Variants in GIGYF2 observed in about 807,000 individuals in gnomAD.
The protein encoded by GIGYF2 is GRB10-interacting GYF protein 2.
In GIGYF2, 25 loss-of-function variants were observed where a neutral mutation model predicts 208.1. The observed-to-expected ratio is 0.12, with a 90% CI of 0.09 to 0.17. The LOEUF (loss-of-function observed/expected upper bound fraction) is 0.17. Among genes scored for constraint, GIGYF2 ranks in the 10% least tolerant of loss-of-function variants. GIGYF2 has a pLI of 1.00. For missense variants in GIGYF2, 1,302 were observed against 1,579.4 expected, an observed-to-expected ratio of 0.82 and a Z score of 2.98; for synonymous variants, 534 against 543.8, an observed-to-expected ratio of 0.98 and a Z score of 0.25.
chr2:232,855,466 A>G (rs893329948), intron 28 of GIGYF2, among the ~76,000 whole-genome samples: 1 of 152,150 alleles, frequency 6.6e-6, no homozygotes, highest in African/African-American at 2.4e-5. Flanking sequence ...TGGTTAATCA[A>G]ACATTGCTAA....
intron 14 of GIGYF2, among the ~76,000 whole-genome samples, chr2:232,804,778 C>T (rs1278845746): frequency 1.3e-5 from 2 of 152,348 alleles, no homozygotes; most frequent in South Asian, 2.1e-4. Context: ...GAGGCGTGAA[C>T]TGCTGTGCTC....
intron 28 of GIGYF2, among the ~76,000 whole-genome samples, chr2:232,852,991 G>A (rs1690418463): frequency 6.6e-6 from 1 of 152,186 alleles, no homozygotes; most frequent in Non-Finnish European, 1.5e-5. Context: ...ATACCTTGAA[G>A]GGGAAGAAAA....
intron 14 of GIGYF2, among the ~76,000 whole-genome samples, chr2:232,797,221 A>G (rs1700249591): frequency 6.6e-6 from 1 of 152,186 alleles, no homozygotes; most frequent in East Asian, 1.9e-4. Flanking sequence ...ACAGAATGCT[A>G]TCTATAAAGG....
Position 232,756,197 on chromosome 2 carries a change from C to CTTTTTTT in GIGYF2, c.268-12_268-6dup, listed in dbSNP as rs759525243. The CTTTTTTT allele has an allele frequency of 3.1e-4, 219 of 710,480 alleles. 1 individual carries two copies. The highest frequency in any genetic ancestry group is 1.7e-3 in the Middle Eastern group (4 of 2,420). The allele number at this position is 710,480 out of a possible 1,614,324, so 44.0% of individuals were successfully genotyped here. On this transcript the variant is annotated intron_variant, in intron 5 of 28. Coordinates refer to ENST00000373563, the MANE Select transcript of GIGYF2 (RefSeq NM_001103146.3). ...TTTTCTTTCTTTTTTTCCTTTTTCT[C>CTTTTTTT]TTTTTTTTTTTTTTTTTTTTGGCAG...
rs1205773129 is a variant in GIGYF2 at position 232,812,498 on chromosome 2, A to G, written c.2107+7A>G. The G allele has an allele frequency of 9.2e-7, 1 of 1,092,780 alleles. No individual in the cohort carries two copies. The highest frequency in any genetic ancestry group is 1.4e-6 in the Non-Finnish European group (1 of 704,876). 67.7% of individuals were successfully genotyped at this position (1,092,780 alleles called of 1,614,324 possible). The stretch of plus-strand genomic sequence containing the variant: ...ACAGCTTCACAGCCTACAGGTAAAA[A>G]CTTAGATTAACCTTTAGTACCACTC... On this transcript the variant is annotated splice_region_variant and intron_variant, in intron 18 of 28. Transcript: ENST00000373563.
At chr2:232,759,944 C>G (rs1698683365) in intron 6 of GIGYF2, among the ~76,000 whole-genome samples, 1 of 151,924 alleles carries the variant, frequency 6.6e-6, no homozygotes, top group South Asian at 2.1e-4. Flanking sequence ...GTAAACTGTA[C>G]CTTTGGTTAC....
At chr2:232,836,276 A>G (rs182273005) in intron 22 of GIGYF2, among the ~76,000 whole-genome samples, 1 of 3,840 alleles carries the variant, frequency 2.6e-4, no homozygotes, top group East Asian at 1.6e-3. Flanking sequence ...ATATATATAT[A>G]TATATATATA....
At chr2:232,714,713 GT>G (rs972587473) in intron 2 of GIGYF2, among the ~76,000 whole-genome samples, 2 of 151,226 alleles carry the variant, frequency 1.3e-5, no homozygotes, top group African/African-American at 2.4e-5. Context: ...CCACTGTTCT[GT>G]TTTCTGTGAC....
At chr2:232,729,027 G>C (rs1362782970) in intron 2 of GIGYF2, among the ~76,000 whole-genome samples, 1 of 152,006 alleles carries the variant, frequency 6.6e-6, no homozygotes, top group African/African-American at 2.4e-5. Context: ...TGCCCAGGCT[G>C]GAGGGCAGTG....
chr2:232,735,590 T>TATG, intron 3 of GIGYF2: 1 of 449,722 alleles, frequency 2.2e-6, no homozygotes, highest in Non-Finnish European at 3.1e-6. Flanking sequence ...TGCTACATTG[T>TATG]TTTATCATTG....
chr2:232,750,243 T>A lies in GIGYF2; in HGVS notation c.267+1161T>A, dbSNP rs184778362. On this transcript the variant is annotated intron_variant, in intron 5 of 28. Coordinates refer to ENST00000373563, the MANE Select transcript of GIGYF2 (RefSeq NM_001103146.3). ...TTTACTTGAATACCTTCTGTACACT[T>A]GGTACAAAAATGCAGAAGTGTGATA... Among the ~76,000 whole-genome samples the A allele has an allele frequency of 2.4e-4, 36 of 152,052 alleles. No individual in the cohort carries two copies. In the East Asian group the frequency reaches 3.7e-3, roughly 15 times the overall value.
intron 5 of GIGYF2, among the ~76,000 whole-genome samples, chr2:232,753,541 G>T (rs1436416989): frequency 2.0e-5 from 3 of 152,112 alleles, no homozygotes; most frequent in Non-Finnish European, 4.4e-5. Flanking sequence ...TTACTGGTGT[G>T]AGCCACCGTG....
intron 5 of GIGYF2, among the ~76,000 whole-genome samples, chr2:232,754,592 GACC>G (rs1698460502): frequency 6.6e-6 from 1 of 152,068 alleles, no homozygotes; most frequent in African/African-American, 2.4e-5. Flanking sequence ...AGTTAGCTCT[GACC>G]ACAATTATTT....
chr2:232,783,087 C>T (rs1411133529), intron 8 of GIGYF2, among the ~76,000 whole-genome samples: 1 of 152,134 alleles, frequency 6.6e-6, no homozygotes, highest in African/African-American at 2.4e-5. Flanking sequence ...ATGAGCACGG[C>T]CTCTGGAGGC....
At chr2:232,744,842 C>G (rs1294354899) in intron 3 of GIGYF2, among the ~76,000 whole-genome samples, 1 of 152,118 alleles carries the variant, frequency 6.6e-6, no homozygotes, top group Non-Finnish European at 1.5e-5. Context: ...CAATTGTGGT[C>G]TTTTTAGTAA....
At chr2:232,742,186 G>A (rs1232599421) in intron 3 of GIGYF2, among the ~76,000 whole-genome samples, 1 of 152,204 alleles carries the variant, frequency 6.6e-6, no homozygotes, top group East Asian at 1.9e-4. Flanking sequence ...GGAGATAAGA[G>A]CTTGGAGGCA....
At position 232,857,864 on chromosome 2, in the gene GIGYF2, G is replaced by A. The variant is rs1690634273; in HGVS notation, c.*1004G>A. The A allele has an allele frequency of 6.6e-6, 1 of 152,628 alleles. No homozygotes were observed. Among genetic ancestry groups the A allele is most frequent in the South Asian group, 2.1e-4 (1 of 4,820 alleles). The allele number at this position is 152,628 out of a possible 1,614,324, so 9.5% of individuals were successfully genotyped here. The stretch of plus-strand genomic sequence containing the variant: ...CCTCAGAGCATTGCGTGTGTGTCTT[G>A]CTGTAGCCCGGAAAAGGTTTTGTGT... On this transcript the variant is annotated 3_prime_UTR_variant, in exon 29 of 29. Transcript: ENST00000373563.
chr2:232,856,883 TC>T lies in GIGYF2; in HGVS notation c.*26del. The T allele has an allele frequency of 3.2e-6, 5 of 1,546,500 alleles. No individual in the cohort carries two copies. Among genetic ancestry groups the T allele is most frequent in the Non-Finnish European group, 4.5e-6 (5 of 1,118,274 alleles). ...TGAGCACCTGCCAGTGGACTGGCCA[TC>T]CCTCTCCTGTCTGCCGACTATGGAG... is the stretch of plus-strand genomic sequence containing the variant. On this transcript the variant is annotated 3_prime_UTR_variant, in exon 29 of 29. Transcript: ENST00000373563.
intron 14 of GIGYF2, among the ~76,000 whole-genome samples, chr2:232,797,131 T>C (rs986366215): frequency 1.3e-5 from 2 of 151,436 alleles, no homozygotes; most frequent in African/African-American, 2.4e-5. Flanking sequence ...CTACTAAAAA[T>C]GTCAGATAAA....
Sources: gnomAD v4.1 joint callset for allele counts (sites outside exome capture counted in the v4.1 genomes callset) on GRCh38, gnomAD v4.1.1 for gene constraint, MANE v1.5 for transcripts, NCBI Gene and HGNC (gene_info 2026-07-23, HGNC 2026-07-21) for gene names.